Variants in NFX1 observed in about 807,000 individuals in gnomAD.
NFX1 encodes nuclear transcription factor, X-box binding 1.
Under a neutral mutation model 137.2 loss-of-function variants are expected in NFX1, and 69 were observed. The observed-to-expected ratio is 0.50, with a 90% CI of 0.41 to 0.61. The LOEUF is 0.61. Among genes scored for constraint, NFX1 ranks in the 20% least tolerant of loss-of-function variants. The pLI, the probability that NFX1 is intolerant of heterozygous loss-of-function variation, is 0.00. For missense variants in NFX1, 1,167 were observed against 1,391.0 expected, an observed-to-expected ratio of 0.84 and a Z score of 2.56; for synonymous variants, 495 against 474.1, an observed-to-expected ratio of 1.04 and a Z score of -0.57.
chr9:33,311,340 C>T (rs1407408116), intron 6 of NFX1, among the ~76,000 whole-genome samples, 163 bp downstream of exon 6: 3 of 151,104 alleles, frequency 2.0e-5, no homozygotes, highest in South Asian at 4.2e-4. Flanking sequence ...AGCTTTAGAA[C>T]AGGAAGGAAA....
intron 9 of NFX1, among the ~76,000 whole-genome samples, chr9:33,326,095 G>A (rs1822577106): frequency 6.6e-6 from 1 of 152,056 alleles, no homozygotes; most frequent in South Asian, 2.1e-4. Flanking sequence ...GAACAAATGA[G>A]GGAAGCCATA....
At chr9:33,338,333 C>T (rs996951856) in intron 11 of NFX1, among the ~76,000 whole-genome samples, 177 bp from the exon 12 acceptor site, 19 of 151,938 alleles carry the variant, frequency 1.3e-4, no homozygotes, top group African/African-American at 1.9e-4. Flanking sequence ...CCAGCCTGGG[C>T]GACAGAGAAA....
At chr9:33,301,451 T>C (rs1247013804) in intron 3 of NFX1, 30 bp downstream of exon 3, 1 of 1,605,594 alleles carries the variant, frequency 6.2e-7, no homozygotes, top group Non-Finnish European at 8.5e-7. Context: ...TGAGTAGTTA[T>C]TCTCCCCTAT....
chr9:33,323,481 A>C (rs1822460540), intron 9 of NFX1, among the ~76,000 whole-genome samples: 1 of 152,210 alleles, frequency 6.6e-6, no homozygotes, highest in Admixed American at 6.5e-5. Flanking sequence ...TGGGCCAGGC[A>C]TGGTGGCTCA....
intron 1 of NFX1, among the ~76,000 whole-genome samples, chr9:33,291,111 C>G (rs1821144352): frequency 6.6e-6 from 1 of 152,200 alleles, no homozygotes; most frequent in Non-Finnish European, 1.5e-5. Context: ...TGTGATGGCT[C>G]CCGCCCTGTA....
chr9:33,348,244 T>G (rs1823504973), intron 15 of NFX1: 1 of 151,846 alleles, frequency 6.6e-6, no homozygotes, highest in Non-Finnish European at 1.5e-5. Flanking sequence ...CTACTTTACT[T>G]GGGAGGCTGA....
At chr9:33,366,536 T>C (rs1824174448) in intron 21 of NFX1, 93 bp from the exon 22 acceptor site, 4 of 1,473,646 alleles carry the variant, frequency 2.7e-6, no homozygotes, top group African/African-American at 1.4e-5. Flanking sequence ...TCACCTCTTA[T>C]TGATCCCTGC....
intron 15 of NFX1, 132 bp from the exon 16 acceptor site, chr9:33,351,428 A>G: frequency 1.2e-6 from 1 of 810,086 alleles, no homozygotes; most frequent in Non-Finnish European, 2.0e-6. Flanking sequence ...CCTGGGCAAC[A>G]GTGAAACCCT....
At chr9:33,366,566 T>C (rs959380232) in intron 21 of NFX1, 63 bp from the exon 22 acceptor site, 2 of 1,582,336 alleles carry the variant, frequency 1.3e-6, no homozygotes, top group Admixed American at 1.7e-5. Context: ...GTGGTAAGAT[T>C]AGTTGTAAGC....
At chr9:33,320,369 C>T (rs1431598042) in intron 9 of NFX1, among the ~76,000 whole-genome samples, 1 of 152,188 alleles carries the variant, frequency 6.6e-6, no homozygotes, top group Admixed American at 6.5e-5. Flanking sequence ...TTATGAACTC[C>T]AGTTACTGTA....
intron 19 of NFX1, among the ~76,000 whole-genome samples, chr9:33,362,414 A>G (rs978326517): frequency 1.3e-5 from 2 of 152,158 alleles, no homozygotes; most frequent in Non-Finnish European, 2.9e-5. Context: ...TATATACAGA[A>G]TGAAATACTA....
rs752724803 is a variant in NFX1 at position 33,295,203 on chromosome 9, C to G, written c.809C>G (p.Thr270Arg). 2 of 1,614,188 alleles carry G rather than the reference C, an allele frequency of 1.2e-6. No individual in the cohort carries two copies. The highest frequency in any genetic ancestry group is 2.2e-5 in the East Asian group (1 of 44,876). The change falls in exon 2 of 24, where the codon ACA (threonine) becomes AGA (arginine). Residue 270 changes from threonine (T) to arginine (R), a missense_variant. Physicochemically the swap from Thr to Arg is moderately conservative, Grantham distance 71. Around this residue, in one of 3 missense-constraint regions of NFX1, gnomAD observed 367 missense variants for 386.7 expected, o/e 0.95. Transcript: ENST00000379540. Reference sequence around the variant, plus strand: ...CCAAAACAGGAGGGCCACCGACATACAAACGCAGGACACAGAAACAACATG... The same window carrying G: ...CCAAAACAGGAGGGCCACCGACATAGAAACGCAGGACACAGAAACAACATG... ...NPPKQEGHRH[T>R]NAGHRNNMGP...
chr9:33,310,186 C>A (rs1821913055), intron 5 of NFX1, among the ~76,000 whole-genome samples: 2 of 152,136 alleles, frequency 1.3e-5, no homozygotes, highest in Non-Finnish European at 2.9e-5. Context: ...ACATTCCAGC[C>A]AGACCACTTT....
At chr9:33,355,549 T>G (rs1198987268) in intron 19 of NFX1, among the ~76,000 whole-genome samples, 1 of 152,218 alleles carries the variant, frequency 6.6e-6, no homozygotes, top group Admixed American at 6.5e-5. Context: ...CTGCATGATT[T>G]TTTTTGTATT....
At chr9:33,329,723 G>A (rs549730882) in intron 10 of NFX1, among the ~76,000 whole-genome samples, 1 of 151,838 alleles carries the variant, frequency 6.6e-6, no homozygotes, top group African/African-American at 2.4e-5. Context: ...CAGAGGCGCA[G>A]TCTTGGCTCA....
intron 4 of NFX1, among the ~76,000 whole-genome samples, chr9:33,306,306 G>A (rs1310601069): frequency 6.6e-6 from 1 of 152,198 alleles, no homozygotes; most frequent in Admixed American, 6.5e-5. Context: ...CCCTGAAAAG[G>A]GAGGAGTTAT....
Position 33,290,702 on chromosome 9 carries a change from T to A in NFX1, c.25+105T>A, listed in dbSNP as rs951722780. 26 of 1,130,032 alleles carry A rather than the reference T, an allele frequency of 2.3e-5. No individual in the cohort carries two copies. In the South Asian group the frequency reaches 3.7e-4, roughly 16 times the overall value. The allele number at this position is 1,130,032 out of a possible 1,614,324, so 70.0% of individuals were successfully genotyped here. ...CCACTCATATCGCGAGAGTAGCACA[T>A]GCTAGGGCGTAGGATAGTGGCTCGG... On this transcript the variant is annotated intron_variant, in intron 1 of 23. Transcript: ENST00000379540.
At chr9:33,315,238 A>AG (rs1218121767) in intron 7 of NFX1, among the ~76,000 whole-genome samples, 1 of 152,044 alleles carries the variant, frequency 6.6e-6, no homozygotes, top group Non-Finnish European at 1.5e-5. Flanking sequence ...AAAAAAAAAA[A>AG]AAAGGAATCT....
rs369960617 is a variant in NFX1, at chr9:33,346,382, T to C, written c.2345-656T>C. ...ACATGGTGTCAGACATAGAGGGAAC[T>C]TCAGAGGAAGAGAAAAATACCCTGT... On this transcript the variant is annotated intron_variant, in intron 14 of 23. Transcript: ENST00000379540. Among the ~76,000 whole-genome samples the C allele has an allele frequency of 9.9e-5, 15 of 152,222 alleles. No individual in the cohort carries two copies. The East Asian group carries it at 2.3e-3, about 23-fold the overall frequency.
Sources: gnomAD v4.1 joint callset for allele counts (sites outside exome capture counted in the v4.1 genomes callset) on GRCh38, gnomAD v4.1.1 for gene constraint, gnomAD v4.1.1 regional missense constraint, MANE v1.5 for transcripts, NCBI Gene and HGNC (gene_info 2026-07-23, HGNC 2026-07-21) for gene names.